VSIR: variants seen among roughly 807,000 people sequenced by gnomAD.
VSIR encodes V-set immunoregulatory receptor.
In VSIR, 10 loss-of-function variants were observed where a neutral mutation model predicts 31.0. That is an observed-to-expected ratio of 0.32 (90% CI 0.20 to 0.55). The LOEUF (loss-of-function observed/expected upper bound fraction) is 0.55, where lower values mean the gene tolerates loss of function less well. Ranked by LOEUF, VSIR falls within the 20% of genes least tolerant of loss-of-function variation. The pLI is 0.93. For missense variants in VSIR, 356 were observed against 416.2 expected, an observed-to-expected ratio of 0.86 and a Z score of 1.26; for synonymous variants, 179 against 180.1, an observed-to-expected ratio of 0.99 and a Z score of 0.05.
intron 1 of VSIR, among the ~76,000 whole-genome samples, chr10:71,767,886 C>T (rs1358446966): frequency 1.3e-5 from 2 of 152,172 alleles, no homozygotes; most frequent in African/African-American, 4.8e-5. Context: ...TCCGTGCATC[C>T]GGGGCTGGAG....
In VSIR at chr10:71,758,614, C is replaced by T. The variant is rs541370420; in HGVS notation, c.568+2254G>A. Among the ~76,000 whole-genome samples, 4 of 152,338 alleles carry T rather than the reference C, an allele frequency of 2.6e-5. No homozygotes were observed. In the South Asian group the frequency reaches 6.2e-4, roughly 24 times the overall value. On this transcript the variant is annotated intron_variant, in intron 3 of 6. Coordinates refer to ENST00000394957, the MANE Select transcript of VSIR (RefSeq NM_022153.2). ...TATGCAGAGCTAAGCAGGCCTGCAG[C>T]CAGATCCCAGCTATGCTACCCTGGG...
At chr10:71,752,056 T>A in intron 5 of VSIR, 195 bp from the exon 6 acceptor site, 2 of 719,906 alleles carry the variant, frequency 2.8e-6, no homozygotes, top group Non-Finnish European at 2.5e-6. Flanking sequence ...CCACCTGTCC[T>A]GAGCTGAGGG....
chr10:71,766,049 C>A (rs375048521), intron 1 of VSIR, among the ~76,000 whole-genome samples: 9 of 152,354 alleles, frequency 5.9e-5, no homozygotes, highest in Admixed American at 3.3e-4. Context: ...GCGCACAGCA[C>A]GCAGAGGGGC....
intron 5 of VSIR, 39 bp downstream of exon 5, chr10:71,752,936 C>A (rs762367857): frequency 2.5e-6 from 4 of 1,608,270 alleles, no homozygotes; most frequent in Non-Finnish European, 3.4e-6. Flanking sequence ...GGATAGCCGG[C>A]CCAGGAAGTT....
At chr10:71,765,583 T>C (rs1189091162) in intron 1 of VSIR, among the ~76,000 whole-genome samples, 1 of 152,160 alleles carries the variant, frequency 6.6e-6, no homozygotes, top group Admixed American at 6.5e-5. Flanking sequence ...ATTGTACCCA[T>C]AGCACCCGCA....
chr10:71,755,223 A>C, intron 4 of VSIR, 136 bp downstream of exon 4: 34 of 815,678 alleles, frequency 4.2e-5, no homozygotes, highest in East Asian at 8.5e-5. Context: ...CCTGGCGGGA[A>C]GTGCAGCTGC....
chr10:71,763,314 ATTT>A lies in VSIR; in HGVS notation c.83-1291_83-1289del, dbSNP rs546155265. On this transcript the variant is annotated intron_variant, in intron 1 of 6. Coordinates refer to ENST00000394957, the MANE Select transcript of VSIR (RefSeq NM_022153.2). ...TGACCCACTACGCCCGGCCAGTGGT[ATTT>A]TTATTTTAAATGGCATGTCAGGCTG... Among the ~76,000 whole-genome samples, 7 of 152,280 alleles carry A rather than the reference ATTT, an allele frequency of 4.6e-5. No individual in the cohort carries two copies. In the South Asian group the frequency reaches 8.3e-4, roughly 18 times the overall value.
intron 3 of VSIR, among the ~76,000 whole-genome samples, chr10:71,758,538 G>A (rs948609352): frequency 1.8e-4 from 28 of 152,306 alleles, no homozygotes; most frequent in African/African-American, 5.3e-4. Context: ...GGCAAGCACC[G>A]GGGGGCTAAC....
At chr10:71,762,139 A>G in intron 1 of VSIR, 113 bp from the exon 2 acceptor site, 1 of 1,255,704 alleles carries the variant, frequency 8.0e-7, no homozygotes, top group East Asian at 2.6e-5. Context: ...GGCCAGGGGC[A>G]TGTCAGCTGA....
In VSIR at chr10:71,763,126, C is replaced by T. The variant is rs973137145; in HGVS notation, c.83-1100G>A. On this transcript the variant is annotated intron_variant, in intron 1 of 6. Coordinates refer to ENST00000394957, the MANE Select transcript of VSIR (RefSeq NM_022153.2). Reference sequence around the variant, plus strand: ...AAGATGTGAGCTCTAATGCCCTCTGCAGACATCTGAGGGATAGCTATAATT... The same window carrying T: ...AAGATGTGAGCTCTAATGCCCTCTGTAGACATCTGAGGGATAGCTATAATT... Among the ~76,000 whole-genome samples the T allele has an allele frequency of 2.6e-5, 4 of 152,210 alleles. No individual in the cohort carries two copies. The East Asian group carries it at 5.8e-4, about 22-fold the overall frequency.
rs144829942 is a variant in VSIR at position 71,758,995 on chromosome 10, G to A, written c.568+1873C>T. Among the ~76,000 whole-genome samples the A allele has an allele frequency of 4.7e-3, 721 of 152,040 alleles. 4 individuals carry two copies. The highest frequency in any genetic ancestry group is 0.017 in the African/African-American group (692 of 41,460). On this transcript the variant is annotated intron_variant, in intron 3 of 6. Coordinates refer to ENST00000394957, the MANE Select transcript of VSIR (RefSeq NM_022153.2). ...AGCAGCTCTCATGTCTCAGCCTCCC[G>A]AGTAGCTGGGATTACAGATGCCTGC...
chr10:71,758,346 G>A (rs1840203715), intron 3 of VSIR, among the ~76,000 whole-genome samples: 1 of 152,152 alleles, frequency 6.6e-6, no homozygotes, highest in South Asian at 2.1e-4. Context: ...GCCTAGCAGG[G>A]GCTGGTCCCC....
At chr10:71,767,562 AGGCTGG>A (rs1189816369) in intron 1 of VSIR, among the ~76,000 whole-genome samples, 5 of 152,192 alleles carry the variant, frequency 3.3e-5, no homozygotes, top group South Asian at 2.1e-4. Context: ...GATGGTCCAC[AGGCTGG>A]GGCTGGGGCT....
chr10:71,755,533 G>GTTTAT, intron 3 of VSIR, 67 bp from the exon 4 acceptor site: 1 of 1,428,344 alleles, frequency 7.0e-7, no homozygotes, highest in Non-Finnish European at 9.6e-7. Flanking sequence ...CATAAACTGA[G>GTTTAT]GCTCAGAGAG....
At chr10:71,760,967 C>T in intron 2 of VSIR, 43 bp from the exon 3 acceptor site, 1 of 1,597,928 alleles carries the variant, frequency 6.3e-7, no homozygotes, top group Non-Finnish European at 8.6e-7. Context: ...GTGTCAGGCC[C>T]AGGAGGCCAG....
intron 1 of VSIR, among the ~76,000 whole-genome samples, chr10:71,770,042 C>T (rs537151314): frequency 3.3e-5 from 5 of 152,288 alleles, no homozygotes; most frequent in African/African-American, 9.6e-5. Flanking sequence ...GGTAGCTGGA[C>T]GCAGCCCATG....
intron 3 of VSIR, 197 bp downstream of exon 3, chr10:71,760,671 C>G (rs1227388380): frequency 3.4e-6 from 2 of 596,314 alleles, no homozygotes; most frequent in Non-Finnish European, 6.1e-6. Flanking sequence ...GACTCCAGAG[C>G]AGATGGAAGG....
Position 71,751,844 on chromosome 10 carries a change from T to C in VSIR, c.722A>G (p.Glu241Gly), listed in dbSNP as rs1487477963. 1.0e-5 allele frequency: 16 copies of C among 1,558,302 alleles called. No homozygotes were observed. Among genetic ancestry groups the C allele is most frequent in the Non-Finnish European group, 1.4e-5 (16 of 1,152,004 alleles). The change falls in exon 6 of 7, where the codon GAA becomes GGA. Residue 241 changes from glutamate (E) to glycine (G), a missense_variant. By Grantham distance (98) the Glu-to-Gly change is moderately conservative. Coordinates refer to ENST00000394957, the MANE Select transcript of VSIR (RefSeq NM_022153.2). The surrounding 1 kb of genome is among the most constrained non-coding windows in gnomAD (Gnocchi z 4.9). ...TGGTGAGGCTTCAAAGCCGGGGTTTTCAATCCCTTGAATGTTGCTGCCACA... is the reference window on the plus strand; with the variant it reads ...TGGTGAGGCTTCAAAGCCGGGGTTTCCAATCCCTTGAATGTTGCTGCCACA... ...VRMDSNIQGI[E>G]NPGFEASPPA...
intron 3 of VSIR, among the ~76,000 whole-genome samples, chr10:71,757,336 C>T (rs371882677): frequency 6.6e-6 from 1 of 152,162 alleles, no homozygotes; most frequent in African/African-American, 2.4e-5. Flanking sequence ...CTATGTGGAC[C>T]CTCTATCAGA....
Sources: gnomAD v4.1 joint callset for allele counts (sites outside exome capture counted in the v4.1 genomes callset) on GRCh38, gnomAD v4.1.1 for gene constraint, Gnocchi (gnomAD v3.1) non-coding constraint, MANE v1.5 for transcripts, NCBI Gene and HGNC (gene_info 2026-07-23, HGNC 2026-07-21) for gene names.